MGST2: variants seen among roughly 807,000 people sequenced by gnomAD.
MGST2 encodes the protein glutathione peroxidase MGST2.
In MGST2, 9 loss-of-function variants were observed where a neutral mutation model predicts 16.6. The observed-to-expected ratio is 0.54, with a 90% confidence interval of 0.33 to 0.95. The LOEUF (loss-of-function observed/expected upper bound fraction) is 0.95. MGST2 is among the 40% of genes least tolerant of loss of function. The probability of loss-of-function intolerance (pLI) is 0.03; values close to 1 mark genes in which losing one functional copy is unlikely to be tolerated. For synonymous variants in MGST2, 79 were observed against 68.0 expected (o/e 1.16, Z -0.79); for missense variants, 159 against 175.1 (o/e 0.91, Z 0.52).
chr4:139,698,024 T>C, intron 3 of MGST2: 1 of 602,730 alleles, frequency 1.7e-6, no homozygotes, highest in Non-Finnish European at 2.9e-6. Context: ...CGCAATCATA[T>C]ACTTAGGTAC....
chr4:139,718,512 C>A (rs1294854756), intron 5 of MGST2: 1 of 152,290 alleles, frequency 6.6e-6, no homozygotes, highest in Admixed American at 6.5e-5. Flanking sequence ...TAGATGTGAC[C>A]CACCTGGATG....
chr4:139,743,903 C>T (rs1051451388), downstream of MGST2, among the ~76,000 whole-genome samples: 1 of 152,120 alleles, frequency 6.6e-6, no homozygotes, highest in Admixed American at 6.5e-5. Context: ...AAAGTAAGTC[C>T]TCATGTACAT....
rs1646347518 is a variant in MGST2 at position 139,710,132 on chromosome 4, AGTCATT to A, written c.*48+5937_*48+5942del. Among the ~76,000 whole-genome samples the A allele has an allele frequency of 2.6e-5, 4 of 152,216 alleles. No homozygotes were observed. In the South Asian group the frequency reaches 8.3e-4, roughly 31 times the overall value. On this transcript the variant is annotated intron_variant, in intron 5 of 5. Coordinates refer to the MGST2 transcript ENST00000616265. ...GAGGTGGGTGGGGTATGGCCAAAAAAGTCATTAATAAACAAAATCAGGTCATTTGAG... is the reference window on the plus strand; with the variant it reads ...GAGGTGGGTGGGGTATGGCCAAAAAAAATAAACAAAATCAGGTCATTTGAG...
chr4:139,743,403 C>G (rs1553882), downstream of MGST2, among the ~76,000 whole-genome samples: 1 of 152,236 alleles, frequency 6.6e-6, no homozygotes, highest in East Asian at 1.9e-4. Flanking sequence ...TGATAGACAC[C>G]GTTTCTTGTA....
the MGST2 span, among the ~76,000 whole-genome samples, chr4:139,750,004 G>C: frequency 0.031 from 4,668 of 151,756 alleles, 196 homozygotes; most frequent in East Asian, 0.2. Context: ...GATTATTCAT[G>C]TCACTAGAGT....
In MGST2 at chr4:139,728,076, G is replaced by A. The variant is rs868840524; in HGVS notation, c.*49-12136G>A. Among the ~76,000 whole-genome samples, 5 of 152,130 alleles carry A rather than the reference G, an allele frequency of 3.3e-5. No individual in the cohort carries two copies. In the South Asian group the frequency reaches 8.3e-4, roughly 25 times the overall value. On this transcript the variant is annotated intron_variant, in intron 5 of 5. Transcript: ENST00000616265. ...ACTAAAATACAAAAATTAGCCAGGC[G>A]TGATGGTGTTTGCCTGTGGTCCCAG...
chr4:139,704,628 A>G (rs1250741972), downstream of MGST2, among the ~76,000 whole-genome samples: 1 of 152,218 alleles, frequency 6.6e-6, no homozygotes. Context: ...ACAAAACAAA[A>G]CAGGTTATAG....
the MGST2 span, among the ~76,000 whole-genome samples, chr4:139,748,911 C>T: frequency 6.6e-6 from 1 of 152,142 alleles, no homozygotes; most frequent in Non-Finnish European, 1.5e-5. Flanking sequence ...CTCTTAGGGG[C>T]TCCTCTTTGC....
chr4:139,703,358 A>G, intron 3 of MGST2, 97 bp from the exon 4 acceptor site: 2 of 990,830 alleles, frequency 2.0e-6, no homozygotes, highest in Admixed American at 1.8e-5. Flanking sequence ...CTTGTCCAAT[A>G]TATGTTTTGT....
At chr4:139,707,241 C>T (rs1330634265), downstream of MGST2, among the ~76,000 whole-genome samples, 2 of 151,908 alleles carry the variant, frequency 1.3e-5, no homozygotes, top group African/African-American at 2.4e-5. Context: ...GTGATGTTCC[C>T]CTTCCTGTGT....
rs1419164606 is a variant in MGST2, at chr4:139,735,253, C to T, written c.*49-4959C>T. On this transcript the variant is annotated intron_variant, in intron 5 of 5. Transcript: ENST00000616265. This position sits in a 1 kb window ranked among gnomAD's most constrained non-coding sequence, Gnocchi z 5.8. ...ACAATCCAGGAATTCCCTGGTGACT[C>T]GAGGCCCTCTTTGCACAAAATGAGT... Among the ~76,000 whole-genome samples the T allele has an allele frequency of 2.0e-5, 3 of 152,328 alleles. 1 individual carries two copies. Among genetic ancestry groups the T allele is most frequent in the Non-Finnish European group, 4.4e-5 (3 of 68,036 alleles).
chr4:139,734,159 C>T (rs1030557695), intron 5 of MGST2, among the ~76,000 whole-genome samples: 2 of 152,154 alleles, frequency 1.3e-5, no homozygotes, highest in African/African-American at 4.8e-5. Flanking sequence ...TTAAGCTGGC[C>T]GAGGCCACTA....
intron 2 of MGST2, among the ~76,000 whole-genome samples, chr4:139,689,095 A>G (rs1726420163): frequency 7.3e-6 from 1 of 137,632 alleles, no homozygotes. Flanking sequence ...TGACAGAGTG[A>G]GACGCCATCT....
intron 1 of MGST2, among the ~76,000 whole-genome samples, chr4:139,669,010 T>C (rs1730522065): frequency 6.6e-6 from 1 of 152,120 alleles, no homozygotes; most frequent in African/African-American, 2.4e-5. Flanking sequence ...GCCTGTGAAA[T>C]GGCAGGGGGC....
chr4:139,690,531 C>T (rs1349989765), intron 2 of MGST2, among the ~76,000 whole-genome samples: 1 of 152,120 alleles, frequency 6.6e-6, no homozygotes, highest in African/African-American at 2.4e-5. Context: ...GGATAAATCC[C>T]AGATTCTCCA....
downstream of MGST2, among the ~76,000 whole-genome samples, chr4:139,741,478 G>T (rs1012186095): frequency 6.6e-6 from 1 of 152,252 alleles, no homozygotes; most frequent in African/African-American, 2.4e-5. Flanking sequence ...TGAGCTGAGC[G>T]TGGTGGCTCA....
intron 1 of MGST2, 66 bp downstream of exon 1, chr4:139,666,143 T>C: frequency 2.6e-6 from 4 of 1,512,136 alleles, no homozygotes; most frequent in Non-Finnish European, 3.7e-6. Flanking sequence ...TGACAAGGCT[T>C]GCGGGAGAGA....
At chr4:139,702,646 C>G (rs539276005) in intron 3 of MGST2, among the ~76,000 whole-genome samples, 1 of 152,110 alleles carries the variant, frequency 6.6e-6, no homozygotes, top group Non-Finnish European at 1.5e-5. Flanking sequence ...CATTCTTAAA[C>G]AAGTCCTTTT....
At chr4:139,721,315 A>T (rs552340231) in intron 5 of MGST2, among the ~76,000 whole-genome samples, 1 of 152,352 alleles carries the variant, frequency 6.6e-6, no homozygotes, top group South Asian at 2.1e-4. Context: ...CCAGTAGAAC[A>T]CCAGTCAACG....
Sources: allele counts gnomAD v4.1 joint callset (sites outside exome capture counted in the v4.1 genomes callset), GRCh38; gene constraint gnomAD v4.1.1; non-coding constraint Gnocchi (gnomAD v3.1); transcripts MANE v1.5; gene names NCBI Gene and HGNC (gene_info 2026-07-23, HGNC 2026-07-21).